The following ENOX2 variants were observed in gnomAD, a reference collection of about 807,000 sequenced individuals.
ENOX2 encodes the protein ecto-NOX disulfide-thiol exchanger 2.
ENOX2 carries 36 observed loss-of-function variants against 45.0 expected under a neutral mutation model. That is an observed-to-expected ratio of 0.80 (90% CI 0.61 to 1.06). The LOEUF is 1.06. Ranked by LOEUF, ENOX2 falls within the 50% of genes least tolerant of loss-of-function variation. The pLI is 0.00. For missense variants in ENOX2, 423 were observed against 462.5 expected (o/e 0.91, Z 0.78); for synonymous variants, 174 against 152.3 (o/e 1.14, Z -1.05).
At chrX:130,682,583 CAAAAAAAAAAAAAAAAA>C (rs55875735) in intron 5 of ENOX2, among the ~76,000 whole-genome samples, 18 of 14,649 alleles carry the variant, frequency 1.2e-3, no homozygotes, top group East Asian at 3.2e-3. Context: ...GACTCCGTCT[CAAAAAAAAAAAAAAAAA>C]AAAAAAAAAA....
Position 130,629,251 on chromosome X carries a change from A to G in ENOX2, c.1529-1208T>C, listed in dbSNP as rs760029652. 1.7e-4 allele frequency among the ~76,000 whole-genome samples: 19 copies of G among 112,723 alleles called. No individual in the cohort carries two copies. The South Asian group carries it at 6.6e-3, about 39-fold the overall frequency. The stretch of plus-strand genomic sequence containing the variant: ...GGCTGAGAAACTTAAATTCTGAAGA[A>G]GACATTCCATGTTTGAAGAAATTCT... On this transcript the variant is annotated intron_variant, in intron 13 of 14. Transcript: ENST00000394363.
At chrX:130,698,259 C>T (rs980476184) in intron 4 of ENOX2, among the ~76,000 whole-genome samples, 1 of 111,256 alleles carries the variant, frequency 9.0e-6, no homozygotes, top group African/African-American at 3.3e-5. Flanking sequence ...TTCAGCTATA[C>T]AATACAGAAC....
intron 2 of ENOX2, among the ~76,000 whole-genome samples, chrX:130,841,027 C>T (rs7058074): frequency 0.014 from 1,568 of 111,838 alleles, 11 homozygotes; most frequent in East Asian, 0.05. Context: ...TGGAGAAACA[C>T]CATACTGAGT....
At chrX:130,646,102 T>C in intron 10 of ENOX2, 1 of 536,601 alleles carries the variant, frequency 1.9e-6, no homozygotes, top group Admixed American at 2.3e-5. Context: ...TGCTGAGTAC[T>C]GTGTCTCCTG....
chrX:130,822,609 A>G (rs1049942872), intron 2 of ENOX2, among the ~76,000 whole-genome samples: 2 of 109,418 alleles, frequency 1.8e-5, no homozygotes, highest in African/African-American at 6.7e-5. Context: ...GGGGAACATC[A>G]CACACTGGGG....
intron 2 of ENOX2, among the ~76,000 whole-genome samples, chrX:130,878,994 A>G (rs1160378116): frequency 8.9e-6 from 1 of 112,318 alleles, no homozygotes; most frequent in Non-Finnish European, 1.9e-5. Context: ...ATGGATTGTC[A>G]CAATTATTTT....
At chrX:130,737,043 C>T (rs1030856624) in intron 3 of ENOX2, among the ~76,000 whole-genome samples, 1 of 112,145 alleles carries the variant, frequency 8.9e-6, no homozygotes, top group Admixed American at 9.5e-5. Context: ...AGAATCAGTG[C>T]TTCCTGTAGC....
At chrX:130,871,430 T>C (rs931284503) in intron 2 of ENOX2, among the ~76,000 whole-genome samples, 7 of 111,077 alleles carry the variant, frequency 6.3e-5, no homozygotes, top group Non-Finnish European at 1.1e-4. Flanking sequence ...GTTTGGCACA[T>C]ACAAACTCAC....
chrX:130,900,525 T>G (rs2079128540), intron 2 of ENOX2, among the ~76,000 whole-genome samples: 1 of 111,927 alleles, frequency 8.9e-6, no homozygotes, highest in African/African-American at 3.3e-5. Context: ...TCCTACCCAT[T>G]ACAGTTTCCT....
chrX:130,665,645 C>T lies in ENOX2; in HGVS notation c.1012G>A (p.Glu338Lys), dbSNP rs752895702. Residue 338 changes from glutamate to lysine, a missense_variant and splice_region_variant, in exon 9 of 15, where the codon GAG (glutamate) becomes AAG (lysine). Glu to Lys is a moderately conservative substitution (Grantham distance 56). Coordinates refer to ENST00000394363, the MANE Select transcript of ENOX2 (RefSeq NM_006375.4). ...KNISVWCKQA[E>K]EIRNIHNDEL... Reference sequence around the variant, plus strand: ...TACCAGAATAAAAAGTTACCAACCTCAGCTTGTTTGCACCACACGCTGATG... The same window carrying T: ...TACCAGAATAAAAAGTTACCAACCTTAGCTTGTTTGCACCACACGCTGATG... 1.5e-5 allele frequency: 18 copies of T among 1,190,165 alleles called. No homozygotes were observed. The Admixed American group carries it at 3.6e-4, about 24-fold the overall frequency.
chrX:130,637,460 T>C (rs1023597534), intron 10 of ENOX2, 50 bp from the exon 11 acceptor site: 7 of 1,066,673 alleles, frequency 6.6e-6, no homozygotes, highest in Middle Eastern at 2.6e-4. Context: ...TCATTTGTGA[T>C]TCATCTGGAT....
chrX:130,782,967 T>C (rs1458187875), intron 3 of ENOX2, among the ~76,000 whole-genome samples: 1 of 111,889 alleles, frequency 8.9e-6, no homozygotes, highest in Non-Finnish European at 1.9e-5. Flanking sequence ...AAGAATCTGT[T>C]TGCCAACTGT....
At chrX:130,825,384 T>C (rs1358857927) in intron 2 of ENOX2, among the ~76,000 whole-genome samples, 1 of 111,292 alleles carries the variant, frequency 9.0e-6, no homozygotes, top group African/African-American at 3.3e-5. Flanking sequence ...GTACTTCCTC[T>C]GGGTATGAAG....
At chrX:130,759,577 CAAAAAAAAAAAA>C (rs753411112) in intron 3 of ENOX2, among the ~76,000 whole-genome samples, 4 of 19,948 alleles carry the variant, frequency 2.0e-4, no homozygotes, top group Admixed American at 1.1e-3. Context: ...GACTATGTAC[CAAAAAAAAAAAA>C]AAAAAAAAAA....
chrX:130,858,913 G>A (rs1212102469), intron 2 of ENOX2, among the ~76,000 whole-genome samples: 1 of 112,173 alleles, frequency 8.9e-6, no homozygotes, highest in Non-Finnish European at 1.9e-5. Flanking sequence ...GAGAAAAAGT[G>A]ACCCCTCATT....
intron 10 of ENOX2, among the ~76,000 whole-genome samples, chrX:130,652,000 C>T (rs952740323): frequency 4.5e-5 from 5 of 111,570 alleles, no homozygotes; most frequent in African/African-American, 1.6e-4. Flanking sequence ...CAACAAAAAC[C>T]CTTAACTTTA....
At chrX:130,879,372 T>G (rs2078765922) in intron 2 of ENOX2, among the ~76,000 whole-genome samples, 1 of 111,504 alleles carries the variant, frequency 9.0e-6, no homozygotes, top group South Asian at 3.8e-4. Context: ...TTTACGCAGA[T>G]CTGGGATTTT....
intron 1 of ENOX2, among the ~76,000 whole-genome samples, 192 bp downstream of exon 1, chrX:130,902,857 G>A (rs2079170541): frequency 9.5e-6 from 1 of 105,747 alleles, no homozygotes; most frequent in Non-Finnish European, 1.9e-5. Context: ...GCGCTCCCGG[G>A]CTCAAGAGAA....
intron 2 of ENOX2, among the ~76,000 whole-genome samples, chrX:130,858,416 C>A (rs2078350956): frequency 9.0e-6 from 1 of 111,083 alleles, no homozygotes. Flanking sequence ...CAGCGCCCGG[C>A]CAATCATGGG....
Sources: allele counts gnomAD v4.1 joint callset (sites outside exome capture counted in the v4.1 genomes callset), GRCh38; gene constraint gnomAD v4.1.1; transcripts MANE v1.5; gene names NCBI Gene and HGNC (gene_info 2026-07-23, HGNC 2026-07-21).